GRB10: variants seen among roughly 807,000 people sequenced by gnomAD.
GRB10 encodes the protein growth factor receptor-bound protein 10.
A neutral mutation model predicts 80.9 loss-of-function variants in GRB10; 20 were observed. That is an observed-to-expected ratio of 0.25 (90% CI 0.17 to 0.36). The LOEUF is 0.36. GRB10 is among the 10% of genes least tolerant of loss of function. The pLI is 1.00. For missense variants in GRB10, 548 were observed against 747.7 expected, an observed-to-expected ratio of 0.73 and a Z score of 3.12; for synonymous variants, 291 against 291.5, an observed-to-expected ratio of 1.00 and a Z score of 0.02.
Position 50,732,254 on chromosome 7 carries a change from A to G in GRB10, c.51+18T>C. On this transcript the variant is annotated intron_variant, in intron 4 of 18. Coordinates refer to ENST00000401949, the MANE Select transcript of GRB10 (RefSeq NM_001350814.2). Reference sequence around the variant, plus strand: ...CAGCACCATCGGGCCAGGATCAGATATATGTGCTCGCCCATACCTGGTAGT... The same window carrying G: ...CAGCACCATCGGGCCAGGATCAGATGTATGTGCTCGCCCATACCTGGTAGT... 2 of 1,613,312 alleles carry G rather than the reference A, an allele frequency of 1.2e-6. No individual in the cohort carries two copies. Among genetic ancestry groups the G allele is most frequent in the Non-Finnish European group, 1.7e-6 (2 of 1,179,266 alleles).
intron 18 of GRB10, 111 bp from the exon 19 acceptor site, chr7:50,593,209 CA>C: frequency 8.0e-7 from 1 of 1,243,502 alleles, no homozygotes; most frequent in South Asian, 1.2e-5. Context: ...TCCAGAGGGA[CA>C]CACAGGGCAA....
At chr7:50,636,008 T>G (rs756451978) in intron 7 of GRB10, among the ~76,000 whole-genome samples, 1 of 133,198 alleles carries the variant, frequency 7.5e-6, no homozygotes, top group Non-Finnish European at 1.6e-5. Flanking sequence ...AGTCTCATTC[T>G]GTCTCCCAGG....
intron 4 of GRB10, chr7:50,705,354 C>T: frequency 6.4e-6 from 6 of 938,648 alleles, no homozygotes; most frequent in Non-Finnish European, 7.6e-6. Context: ...CGAACAAAGC[C>T]CTAAGGAAGG....
At position 50,624,018 on chromosome 7, in the gene GRB10, C is replaced by T. The variant is rs183071359; in HGVS notation, c.661+2804G>A. Among the ~76,000 whole-genome samples, 24 of 152,254 alleles carry T rather than the reference C, an allele frequency of 1.6e-4. 1 individual carries two copies. In the East Asian group the frequency reaches 3.3e-3, roughly 21 times the overall value. On this transcript the variant is annotated intron_variant, in intron 8 of 18. Coordinates refer to ENST00000401949, the MANE Select transcript of GRB10 (RefSeq NM_001350814.2). ...TCAATCAGTAATAATGTACTTTGTA[C>T]TTTGGAATCTTCAATTCTGGAGGCC...
intron 7 of GRB10, among the ~76,000 whole-genome samples, chr7:50,640,378 C>T (rs1347094341): frequency 6.6e-6 from 1 of 152,152 alleles, no homozygotes; most frequent in Non-Finnish European, 1.5e-5. Flanking sequence ...CTGCCCCCTT[C>T]GAGGTAATCT....
intron 5 of GRB10, among the ~76,000 whole-genome samples, chr7:50,698,240 T>C (rs2063704070): frequency 6.6e-6 from 1 of 152,228 alleles, no homozygotes; most frequent in Non-Finnish European, 1.5e-5. Flanking sequence ...TGCAAGAAGT[T>C]ACAAATTATT....
intron 2 of GRB10, among the ~76,000 whole-genome samples, chr7:50,774,238 A>AG (rs2077344100): frequency 6.6e-6 from 1 of 152,190 alleles, no homozygotes; most frequent in Non-Finnish European, 1.5e-5. Flanking sequence ...TATGATAGCT[A>AG]AAGGGTGCAG....
intron 4 of GRB10, among the ~76,000 whole-genome samples, chr7:50,715,851 C>A (rs2066771002): frequency 6.6e-6 from 1 of 152,230 alleles, no homozygotes. Context: ...ATACATTTGA[C>A]AACAGGCAGC....
chr7:50,655,991 T>TTC (rs2058606667), intron 7 of GRB10, among the ~76,000 whole-genome samples: 1 of 152,196 alleles, frequency 6.6e-6, no homozygotes, highest in Non-Finnish European at 1.5e-5. Flanking sequence ...TAGCATTGGT[T>TTC]TCTCTCACTG....
At chr7:50,647,043 T>G (rs1404583277) in intron 7 of GRB10, among the ~76,000 whole-genome samples, 1 of 152,170 alleles carries the variant, frequency 6.6e-6, no homozygotes, top group Admixed American at 6.5e-5. Context: ...GAGCATAAGA[T>G]GAAATGTGCC....
intron 18 of GRB10, among the ~76,000 whole-genome samples, chr7:50,593,791 T>G (rs2153558984): frequency 6.6e-6 from 1 of 152,268 alleles, no homozygotes; most frequent in South Asian, 2.1e-4. Flanking sequence ...CCTTAAGGCT[T>G]GGCTAATTAA....
chr7:50,621,594 G>T (rs2051762032), intron 8 of GRB10, among the ~76,000 whole-genome samples: 2 of 152,154 alleles, frequency 1.3e-5, no homozygotes, highest in African/African-American at 4.8e-5. Context: ...GCCATCGACT[G>T]CACATCTGTT....
intron 1 of GRB10, among the ~76,000 whole-genome samples, chr7:50,791,232 T>G (rs1481005890): frequency 1.3e-5 from 2 of 152,128 alleles, no homozygotes; most frequent in Admixed American, 1.3e-4. Context: ...ATATCAAAAT[T>G]CCTTCCCAAA....
chr7:50,601,069 G>C (rs1470497383), intron 17 of GRB10, among the ~76,000 whole-genome samples: 2 of 152,224 alleles, frequency 1.3e-5, no homozygotes, highest in Non-Finnish European at 1.5e-5. Context: ...GTGGGCCATC[G>C]CGATGCGCTG....
intron 4 of GRB10, among the ~76,000 whole-genome samples, chr7:50,711,967 G>C (rs538109116): frequency 6.6e-6 from 1 of 152,056 alleles, no homozygotes; most frequent in African/African-American, 2.4e-5. Flanking sequence ...TCTCGTAAGC[G>C]TGGGTGTGAG....
chr7:50,631,641 A>C (rs2054020674), intron 7 of GRB10, among the ~76,000 whole-genome samples: 2 of 152,232 alleles, frequency 1.3e-5, no homozygotes, highest in Admixed American at 1.3e-4. Context: ...GAAATTATCA[A>C]AGCAGGCAAA....
At position 50,676,342 on chromosome 7, in the gene GRB10, G is replaced by T. The variant is rs1053037751; in HGVS notation, c.140-1684C>A. 2.6e-4 allele frequency among the ~76,000 whole-genome samples: 39 copies of T among 150,356 alleles called. 1 individual carries two copies. The highest frequency in any genetic ancestry group is 2.4e-3 in the East Asian group (12 of 5,084). ...CAATAGTGTCCACCCCACCGGGGGG[G>T]GGGGGGGGTTGTAAGGACTAGGTTA... On this transcript the variant is annotated intron_variant, in intron 5 of 18. Coordinates refer to ENST00000401949, the MANE Select transcript of GRB10 (RefSeq NM_001350814.2).
At chr7:50,709,304 C>T (rs1004284463) in intron 4 of GRB10, among the ~76,000 whole-genome samples, 1 of 152,204 alleles carries the variant, frequency 6.6e-6, no homozygotes, top group African/African-American at 2.4e-5. Context: ...TCTGTCTGCT[C>T]CTCCATCCTG....
chr7:50,725,260 C>A (rs2068442566), intron 4 of GRB10, among the ~76,000 whole-genome samples: 1 of 152,158 alleles, frequency 6.6e-6, no homozygotes, highest in Non-Finnish European at 1.5e-5. Flanking sequence ...TGTGTAGCAC[C>A]TCCCCTTTTG....
Sources: gnomAD v4.1 joint callset for allele counts (sites outside exome capture counted in the v4.1 genomes callset) on GRCh38, gnomAD v4.1.1 for gene constraint, MANE v1.5 for transcripts, NCBI Gene and HGNC (gene_info 2026-07-23, HGNC 2026-07-21) for gene names.